Variants in CCL28 observed in about 807,000 individuals in gnomAD.
CCL28 encodes the protein C-C motif chemokine 28.
CCL28 carries 4 observed loss-of-function variants against 7.1 expected under a neutral mutation model. That is an observed-to-expected ratio of 0.56 (90% CI 0.28 to 1.29). The LOEUF is 1.29. Among genes scored for constraint, CCL28 ranks in the 50% most tolerant of loss-of-function variants. The probability of loss-of-function intolerance (pLI) is 0.11; values close to 1 mark genes in which losing one functional copy is unlikely to be tolerated. For synonymous variants in CCL28, 55 were observed against 57.8 expected (o/e 0.95, Z 0.22); for missense variants, 151 against 163.4 (o/e 0.92, Z 0.41).
In CCL28 at chr5:43,405,179, C is replaced by T. The variant is rs558739860; in HGVS notation, c.64+7074G>A. On this transcript the variant is annotated intron_variant, in intron 1 of 2. Transcript: ENST00000361115. The stretch of plus-strand genomic sequence containing the variant: ...ACCTAATAGACATCTACAGAACTCT[C>T]CACCCCAAATCAACAGAATATACGT... Among the ~76,000 whole-genome samples, 151 of 152,346 alleles carry T rather than the reference C, an allele frequency of 9.9e-4. 1 individual carries two copies. The highest frequency in any genetic ancestry group is 3.9e-3 in the Admixed American group (60 of 15,304).
At chr5:43,363,043 C>T in the CCL28 span, among the ~76,000 whole-genome samples, 11 of 152,198 alleles carry the variant, frequency 7.2e-5, no homozygotes, top group Non-Finnish European at 1.5e-4. Flanking sequence ...CAATTCATTG[C>T]AAATCAGTTT....
chr5:43,403,521 A>C (rs965627054), intron 1 of CCL28, among the ~76,000 whole-genome samples: 2 of 152,218 alleles, frequency 1.3e-5, no homozygotes, highest in African/African-American at 4.8e-5. Context: ...CGTCACCATC[A>C]TCAAAGACCA....
At chr5:43,357,040 G>A in the CCL28 span, among the ~76,000 whole-genome samples, 1 of 152,130 alleles carries the variant, frequency 6.6e-6, no homozygotes, top group Non-Finnish European at 1.5e-5. Context: ...ATCCAGAGTG[G>A]GTTCAACTGA....
chr5:43,387,907 T>A (rs764762525), intron 2 of CCL28: 1 of 154,438 alleles, frequency 6.5e-6, no homozygotes, highest in Non-Finnish European at 1.4e-5. Context: ...ATTACAGGCA[T>A]AAACCACCAC....
intron 1 of CCL28, among the ~76,000 whole-genome samples, chr5:43,410,828 A>G (rs954077547): frequency 1.4e-4 from 22 of 152,222 alleles, no homozygotes; most frequent in African/African-American, 4.3e-4. Flanking sequence ...TGAGTCCCCA[A>G]ATCTCAATGG....
the CCL28 span, among the ~76,000 whole-genome samples, chr5:43,362,931 G>A: frequency 9.9e-5 from 15 of 152,272 alleles, no homozygotes; most frequent in South Asian, 2.1e-4. Context: ...GTTGTCACCC[G>A]TGATCTACAT....
chr5:43,374,281 T>C (rs1461897047), downstream of CCL28, among the ~76,000 whole-genome samples: 1 of 152,224 alleles, frequency 6.6e-6, no homozygotes, highest in African/African-American at 2.4e-5. Flanking sequence ...GGCTGCAATA[T>C]GCCAGTTAAT....
At chr5:43,384,544 A>C (rs1740258295) in intron 2 of CCL28, among the ~76,000 whole-genome samples, 1 of 152,146 alleles carries the variant, frequency 6.6e-6, no homozygotes, top group African/African-American at 2.4e-5. Context: ...CCCTACTCGC[A>C]ATTCCATAGT....
chr5:43,382,166 C>T (rs1561154574), intron 2 of CCL28, 114 bp from the exon 3 acceptor site: 4 of 885,556 alleles, frequency 4.5e-6, no homozygotes, highest in East Asian at 5.5e-5. Flanking sequence ...AGACTAAATT[C>T]AGACTAAATT....
At chr5:43,399,106 G>A (rs577161289) in intron 1 of CCL28, among the ~76,000 whole-genome samples, 5 of 152,118 alleles carry the variant, frequency 3.3e-5, no homozygotes, top group East Asian at 1.9e-4. Flanking sequence ...CAACAGAGCC[G>A]CAACTGAAGA....
At position 43,412,207 on chromosome 5, in the gene CCL28, A is replaced by AC. The variant is rs756470049; in HGVS notation, c.64+45dup. The AC allele has an allele frequency of 1.1e-5, 16 of 1,509,430 alleles. No individual in the cohort carries two copies. The South Asian group carries it at 1.6e-4, about 15-fold the overall frequency. 93.5% of individuals were successfully genotyped at this position (1,509,430 alleles called of 1,614,324 possible). A position where few individuals can be genotyped will look rare whatever the true frequency, so the allele number is the denominator to read the frequency against. ...TCCTTCCAGCACAGATTTGGGAGATACCCCCCTTTCCAGTGAAGGCCTAAG... is the reference window on the plus strand; with the variant it reads ...TCCTTCCAGCACAGATTTGGGAGATACCCCCCCTTTCCAGTGAAGGCCTAAG... On this transcript the variant is annotated intron_variant, in intron 1 of 2. Transcript: ENST00000361115.
intron 1 of CCL28, among the ~76,000 whole-genome samples, chr5:43,406,939 G>A (rs1182280612): frequency 6.6e-6 from 1 of 152,190 alleles, no homozygotes; most frequent in African/African-American, 2.4e-5. Flanking sequence ...TACAAGGGAT[G>A]TGAAGGACCT....
chr5:43,383,794 A>T (rs1740221136), intron 2 of CCL28, among the ~76,000 whole-genome samples: 1 of 152,172 alleles, frequency 6.6e-6, no homozygotes, highest in Non-Finnish European at 1.5e-5. Flanking sequence ...TAAAGATTTT[A>T]GTGACATGCA....
the CCL28 span, among the ~76,000 whole-genome samples, chr5:43,366,430 G>C: frequency 6.6e-6 from 1 of 152,190 alleles, no homozygotes; most frequent in Non-Finnish European, 1.5e-5. Context: ...CTCCTCTTCT[G>C]TAGGTCTGCT....
At position 43,381,994 on chromosome 5, in the gene CCL28, A is replaced by G; in HGVS notation, c.250T>C (p.Trp84Arg). 1.9e-6 allele frequency: 3 copies of G among 1,614,130 alleles called. No homozygotes were observed. The highest frequency in any genetic ancestry group is 2.5e-6 in the Non-Finnish European group (3 of 1,180,030). The change falls in exon 3 of 3, where the codon TGG (tryptophan) becomes CGG (arginine). Residue 84 changes from tryptophan to arginine, a missense_variant. By Grantham distance (101) the Trp-to-Arg change is moderately radical (BLOSUM62 -3). Transcript: ENST00000361115. The stretch of plus-strand genomic sequence containing the variant: ...TTCTTGGCAGCTTGCACTTTCATCC[A>G]CTGCTTAACAGTATGGTTGTGCGGG... ...VSPHNHTVKQWMKVQAAKKNG... is the reference protein window; with the variant it reads ...VSPHNHTVKQRMKVQAAKKNG...
downstream of CCL28, among the ~76,000 whole-genome samples, chr5:43,375,485 A>AAAT (rs1739872730): frequency 6.8e-6 from 1 of 146,998 alleles, no homozygotes; most frequent in African/African-American, 2.6e-5. Context: ...AAAAAAAAAA[A>AAAT]GCCATTGCCA....
chr5:43,358,906 G>A, the CCL28 span, among the ~76,000 whole-genome samples: 4 of 152,184 alleles, frequency 2.6e-5, no homozygotes, highest in East Asian at 5.8e-4. Context: ...TAGCTTCACA[G>A]GCTGACTGTC....
At chr5:43,389,958 G>GTT (rs1219581142) in intron 1 of CCL28, among the ~76,000 whole-genome samples, 1 of 152,122 alleles carries the variant, frequency 6.6e-6, no homozygotes, top group Non-Finnish European at 1.5e-5. Context: ...CCCCCTAGAG[G>GTT]TTCCCTCCTG....
intron 2 of CCL28, among the ~76,000 whole-genome samples, chr5:43,387,108 T>G (rs746990225): frequency 1.3e-5 from 2 of 152,206 alleles, no homozygotes; most frequent in South Asian, 4.1e-4. Flanking sequence ...GAGCCACAAA[T>G]GGTGTTAAAA....
Sources: allele counts gnomAD v4.1 joint callset (sites outside exome capture counted in the v4.1 genomes callset), GRCh38; gene constraint gnomAD v4.1.1; transcripts MANE v1.5; gene names NCBI Gene and HGNC (gene_info 2026-07-23, HGNC 2026-07-21).